LAMA2: variants seen among roughly 807,000 people sequenced by gnomAD.
LAMA2 encodes laminin subunit alpha 2.
Under a neutral mutation model 364.8 loss-of-function variants are expected in LAMA2, and 269 were observed. That is an observed-to-expected ratio of 0.74 (90% CI 0.67 to 0.82). The LOEUF (loss-of-function observed/expected upper bound fraction) is 0.82, where lower values mean the gene tolerates loss of function less well. LAMA2 is among the 40% of genes least tolerant of loss of function. LAMA2 has a pLI of 0.00. For synonymous variants in LAMA2, 1,379 were observed against 1,370.6 expected, an observed-to-expected ratio of 1.01 and a Z score of -0.14; for missense variants, 3,807 against 3,873.2, an observed-to-expected ratio of 0.98 and a Z score of 0.45.
At chr6:129,297,270 G>A (rs1254012307) in intron 20 of LAMA2, among the ~76,000 whole-genome samples, 1 of 152,116 alleles carries the variant, frequency 6.6e-6, no homozygotes, top group Non-Finnish European at 1.5e-5. Flanking sequence ...AATGTTGAAA[G>A]TATTTTTACC....
At chr6:129,424,301 C>T (rs1162012225) in intron 40 of LAMA2, among the ~76,000 whole-genome samples, 3 of 151,446 alleles carry the variant, frequency 2.0e-5, no homozygotes, top group Admixed American at 2.0e-4. Flanking sequence ...TCTTTGTGAT[C>T]TTGGGTAAAG....
chr6:129,213,957 G>A (rs1425739625), intron 12 of LAMA2, among the ~76,000 whole-genome samples: 1 of 151,988 alleles, frequency 6.6e-6, no homozygotes, highest in Non-Finnish European at 1.5e-5. Flanking sequence ...TTTCTTCTAT[G>A]TTATCTTCCA....
At chr6:129,229,115 G>T (rs1784513301) in intron 12 of LAMA2, among the ~76,000 whole-genome samples, 1 of 152,072 alleles carries the variant, frequency 6.6e-6, no homozygotes, top group Non-Finnish European at 1.5e-5. Context: ...ATACAACTTA[G>T]ACCTCATGAA....
At chr6:129,234,761 C>T (rs1051809526) in intron 12 of LAMA2, among the ~76,000 whole-genome samples, 1 of 151,978 alleles carries the variant, frequency 6.6e-6, no homozygotes, top group Admixed American at 6.6e-5. Flanking sequence ...ATTACACGTA[C>T]GGTGTTTCAA....
chr6:129,364,368 G>A (rs1046007335), intron 32 of LAMA2, among the ~76,000 whole-genome samples: 2 of 151,900 alleles, frequency 1.3e-5, no homozygotes, highest in Non-Finnish European at 1.5e-5. Flanking sequence ...TCCAATTCTC[G>A]GTATTTTCCA....
At position 129,320,538 on chromosome 6, in the gene LAMA2, G is replaced by C; in HGVS notation, c.4059G>C (p.Arg1353Ser). The change falls in exon 28 of 65, where the codon AGG becomes AGC. Residue 1353 changes from arginine (R) to serine (S), a missense_variant and splice_region_variant. By Grantham distance (110) the Arg-to-Ser change is moderately radical (BLOSUM62 -1). This residue lies in a region of LAMA2 where 3,333 missense variants were observed against 3,345.7 expected (regional missense o/e 1.00). Transcript: ENST00000421865. Reference protein sequence around the residue: ...ATYGNFMRQSRISEISMEVAE... With the variant: ...ATYGNFMRQSSISEISMEVAE... ...CTAAGTACATTCTCGCTGTTTCTAG[G>C]ATTTCTGAAATCTCAATGGAGGTAG... is the stretch of plus-strand genomic sequence containing the variant. 1 of 1,575,202 alleles carries C rather than the reference G, an allele frequency of 6.3e-7. No homozygotes were observed. The highest frequency in any genetic ancestry group is 1.1e-5 in the South Asian group (1 of 90,312).
At chr6:129,316,656 C>T (rs1562452414) in intron 27 of LAMA2, among the ~76,000 whole-genome samples, 1 of 152,140 alleles carries the variant, frequency 6.6e-6, no homozygotes. Context: ...GATTCTGAAT[C>T]ACTTTGAAAA....
At chr6:129,292,261 G>T (rs911496565) in intron 20 of LAMA2, among the ~76,000 whole-genome samples, 2 of 152,126 alleles carry the variant, frequency 1.3e-5, no homozygotes, top group African/African-American at 4.8e-5. Flanking sequence ...CGGGAGAATC[G>T]CTTGAACCTG....
chr6:129,427,691 G>A lies in LAMA2; in HGVS notation c.5866-61G>A, dbSNP rs139869063. The A allele has an allele frequency of 7.7e-3, 9,380 of 1,221,752 alleles. 51 individuals carry two copies. Among genetic ancestry groups the A allele is most frequent in the Non-Finnish European group, 9.3e-3 (7,707 of 825,892 alleles). 75.7% of individuals were successfully genotyped at this position (1,221,752 alleles called of 1,614,324 possible). On this transcript the variant is annotated intron_variant, in intron 40 of 64. Transcript: ENST00000421865. ...AACTCTGTGTACCAACTGCCTTCTG[G>A]ATCCCTCCACTCCATTATTCTATGG...
rs776279074 is a variant in LAMA2, at chr6:129,440,824, G to C, written c.6094G>C (p.Ala2032Pro). The C allele has an allele frequency of 1.2e-6, 2 of 1,613,538 alleles. No homozygotes were observed. Among genetic ancestry groups the C allele is most frequent in the African/African-American group, 1.3e-5 (1 of 74,850 alleles). Reference sequence around the variant, plus strand: ...CCCTCATCTGCTGACAGATACAGCTGCTAAACTGCAAGCTGTTAAGGACAA... The same window carrying C: ...CCCTCATCTGCTGACAGATACAGCTCCTAAACTGCAAGCTGTTAAGGACAA... ...KLSAIPNDTAAKLQAVKDKAR... is the reference protein window; with the variant it reads ...KLSAIPNDTAPKLQAVKDKAR... The change falls in exon 43 of 65, where the codon GCT becomes CCT. Residue 2032 changes from alanine to proline, a missense_variant. Coordinates refer to ENST00000421865, the MANE Select transcript of LAMA2 (RefSeq NM_000426.4).
intron 1 of LAMA2, among the ~76,000 whole-genome samples, chr6:128,915,319 C>T (rs1778242540): frequency 6.6e-6 from 1 of 152,174 alleles, no homozygotes; most frequent in South Asian, 2.1e-4. Flanking sequence ...TACGAATTTT[C>T]TCTCTTTTAG....
intron 9 of LAMA2, among the ~76,000 whole-genome samples, chr6:129,170,892 CTCT>C (rs1780101820): frequency 6.7e-6 from 1 of 149,920 alleles, no homozygotes; most frequent in African/African-American, 2.5e-5. Flanking sequence ...GGATAGTTAG[CTCT>C]TCTTGTTGAA....
intron 1 of LAMA2, among the ~76,000 whole-genome samples, chr6:128,991,650 G>T (rs998354348): frequency 2.6e-5 from 4 of 152,144 alleles, no homozygotes; most frequent in African/African-American, 9.7e-5. Flanking sequence ...AACTTCTTTA[G>T]GAACCTTTTT....
intron 23 of LAMA2, among the ~76,000 whole-genome samples, chr6:129,314,272 G>A (rs972331094): frequency 6.6e-6 from 1 of 151,936 alleles, no homozygotes; most frequent in South Asian, 2.1e-4. Context: ...GGTGGCGGGC[G>A]CCTGTAGTCC....
intron 22 of LAMA2, among the ~76,000 whole-genome samples, 180 bp from the exon 23 acceptor site, chr6:129,312,681 G>A (rs761205193): frequency 1.3e-5 from 2 of 152,176 alleles, no homozygotes; most frequent in African/African-American, 4.8e-5. Context: ...AATGCAGGAA[G>A]CAATTTTAAT....
chr6:129,240,234 C>T (rs1785308117), intron 12 of LAMA2, among the ~76,000 whole-genome samples: 1 of 152,182 alleles, frequency 6.6e-6, no homozygotes, highest in Admixed American at 6.5e-5. Flanking sequence ...TTAAATGGTG[C>T]CTACCCAGAA....
chr6:129,075,495 A>T (rs911569974), intron 3 of LAMA2, among the ~76,000 whole-genome samples: 1 of 152,228 alleles, frequency 6.6e-6, no homozygotes, highest in Non-Finnish European at 1.5e-5. Flanking sequence ...GAGAATGATT[A>T]TAGTGAGATA....
At chr6:129,249,273 C>G (rs1055883332) in intron 12 of LAMA2, among the ~76,000 whole-genome samples, 9 of 152,118 alleles carry the variant, frequency 5.9e-5, no homozygotes, top group Non-Finnish European at 1.2e-4. Flanking sequence ...ATGAATATCT[C>G]TATTTACAGT....
At chr6:129,428,375 C>T (rs961197494) in intron 41 of LAMA2, among the ~76,000 whole-genome samples, 5 of 152,176 alleles carry the variant, frequency 3.3e-5, no homozygotes, top group South Asian at 4.1e-4. Flanking sequence ...GTGAAGTTAC[C>T]GTGAGTTGTG....
Sources: allele counts gnomAD v4.1 joint callset (sites outside exome capture counted in the v4.1 genomes callset), GRCh38; gene constraint gnomAD v4.1.1; regional missense constraint gnomAD v4.1.1; transcripts MANE v1.5; gene names NCBI Gene and HGNC (gene_info 2026-07-23, HGNC 2026-07-21).